The following EMID1 variants were observed in gnomAD, a reference collection of about 807,000 sequenced individuals.
The protein encoded by EMID1 is EMI domain-containing protein 1.
EMID1 carries 40 observed loss-of-function variants against 60.6 expected under a neutral mutation model. The observed-to-expected ratio is 0.66, with a 90% CI of 0.51 to 0.86. The LOEUF is 0.86. EMID1 is among the 40% of genes least tolerant of loss of function. The pLI is 0.00. For synonymous variants in EMID1, 242 were observed against 231.0 expected, an observed-to-expected ratio of 1.05 and a Z score of -0.43; for missense variants, 585 against 597.1, an observed-to-expected ratio of 0.98 and a Z score of 0.21.
intron 1 of EMID1, among the ~76,000 whole-genome samples, chr22:29,214,462 G>T (rs904540708): frequency 6.6e-6 from 1 of 152,168 alleles, no homozygotes; most frequent in South Asian, 2.1e-4. Context: ...GAGGGTTGGG[G>T]AGTTGGGTAG....
At chr22:29,216,102 G>GC (rs11423085) in intron 3 of EMID1, among the ~76,000 whole-genome samples, 6,530 of 152,100 alleles carry the variant, frequency 0.043, 175 homozygotes, top group Non-Finnish European at 0.069. Flanking sequence ...TGCACTCCCC[G>GC]CCCCCCCACC....
intron 6 of EMID1, 113 bp from the exon 7 acceptor site, chr22:29,231,480 T>G: frequency 8.9e-7 from 1 of 1,122,520 alleles, no homozygotes; most frequent in Non-Finnish European, 1.3e-6. Flanking sequence ...CCATAGAGAG[T>G]GTGAGGGTCC....
At chr22:29,228,473 A>G (rs2146268847) in intron 5 of EMID1, among the ~76,000 whole-genome samples, 1 of 152,364 alleles carries the variant, frequency 6.6e-6, no homozygotes, top group African/African-American at 2.4e-5. Flanking sequence ...GCAACTGTCG[A>G]CACTTAAGCA....
At chr22:29,209,607 C>G (rs2039806781) in intron 1 of EMID1, among the ~76,000 whole-genome samples, 1 of 152,212 alleles carries the variant, frequency 6.6e-6, no homozygotes, top group South Asian at 2.1e-4. Context: ...CCTACACAAA[C>G]TTGGTCCCAG....
At chr22:29,231,217 C>T (rs868605302) in intron 6 of EMID1, 77 bp downstream of exon 6, 34 of 1,511,748 alleles carry the variant, frequency 2.2e-5, no homozygotes, top group Middle Eastern at 3.8e-4. Flanking sequence ...CTGGTCCCCA[C>T]CCTGTCGCTG....
chr22:29,233,010 G>C, intron 8 of EMID1: 1 of 274,420 alleles, frequency 3.6e-6, no homozygotes, highest in Admixed American at 4.7e-5. Context: ...GACAATGACA[G>C]TGCCAGCCTC....
chr22:29,214,711 A>G (rs2040017859), intron 1 of EMID1, among the ~76,000 whole-genome samples: 1 of 152,072 alleles, frequency 6.6e-6, no homozygotes, highest in South Asian at 2.1e-4. Flanking sequence ...AACTCTCTGC[A>G]CAGCCCCACC....
Position 29,215,468 on chromosome 22 carries a change from G to A in EMID1, c.216-59G>A. On this transcript the variant is annotated intron_variant, in intron 2 of 14. Coordinates refer to ENST00000334018, the MANE Select transcript of EMID1 (RefSeq NM_133455.4). ...AGGTTTGTCCCCATGGGTGTCCAGG[G>A]CAGTGGGAGAGGTCATGGAGGACCC... 8 of 1,523,722 alleles carry A rather than the reference G, an allele frequency of 5.3e-6. No homozygotes were observed. The South Asian group carries it at 7.9e-5, about 15-fold the overall frequency. 94.4% of individuals were successfully genotyped at this position (1,523,722 alleles called of 1,614,324 possible). A position where few individuals can be genotyped will look rare whatever the true frequency, so the allele number is the denominator to read the frequency against.
In EMID1 at chr22:29,226,471, G is replaced by C. The variant is rs1601949485; in HGVS notation, c.404-19G>C. The C allele has an allele frequency of 6.2e-7, 1 of 1,610,780 alleles. No homozygotes were observed. Among genetic ancestry groups the C allele is most frequent in the Non-Finnish European group, 8.5e-7 (1 of 1,178,486 alleles). ...CCTAGGACCCTTGGCCCTGGCCCCA[G>C]CTTCCTCCCTCCCCGCAGGTTGTCT... On this transcript the variant is annotated intron_variant, in intron 4 of 14. Transcript: ENST00000334018.
chr22:29,252,150 A>T (rs1475896268), intron 13 of EMID1, among the ~76,000 whole-genome samples: 1 of 152,110 alleles, frequency 6.6e-6, no homozygotes, highest in Non-Finnish European at 1.5e-5. Context: ...AATACTCGAA[A>T]GGGGATTACT....
At chr22:29,233,989 A>T in intron 10 of EMID1, 148 bp from the exon 11 acceptor site, 1 of 844,348 alleles carries the variant, frequency 1.2e-6, no homozygotes, top group Non-Finnish European at 1.8e-6. Flanking sequence ...ACTGAGCTGT[A>T]TGAACTGACT....
chr22:29,242,974 T>A (rs905814790), intron 12 of EMID1, among the ~76,000 whole-genome samples: 1 of 152,250 alleles, frequency 6.6e-6, no homozygotes, highest in African/African-American at 2.4e-5. Context: ...TATTGCCCTG[T>A]GATTGGTCAA....
chr22:29,229,754 C>G (rs1259349814), intron 5 of EMID1, among the ~76,000 whole-genome samples: 1 of 152,186 alleles, frequency 6.6e-6, no homozygotes, highest in African/African-American at 2.4e-5. Context: ...AGGAGCAGTT[C>G]CCTGAGCTCC....
chr22:29,213,732 C>A (rs1305803421), intron 1 of EMID1, among the ~76,000 whole-genome samples: 4 of 152,160 alleles, frequency 2.6e-5, no homozygotes, highest in Non-Finnish European at 5.9e-5. Flanking sequence ...CCCTTCTCAG[C>A]CTGGGTCCCC....
chr22:29,242,946 C>A (rs1168489491), intron 12 of EMID1, among the ~76,000 whole-genome samples: 1 of 152,210 alleles, frequency 6.6e-6, no homozygotes, highest in Non-Finnish European at 1.5e-5. Context: ...TGGTTCTCCC[C>A]CTCTGGGCTC....
intron 13 of EMID1, among the ~76,000 whole-genome samples, chr22:29,248,259 CTTTT>C (rs33924066): frequency 0.041 from 4,794 of 116,056 alleles, 282 homozygotes; most frequent in African/African-American, 0.14. Context: ...GTGCCTGGCC[CTTTT>C]TTTTTTTTTT....
chr22:29,212,173 A>G (rs896922278), intron 1 of EMID1, among the ~76,000 whole-genome samples: 2 of 152,068 alleles, frequency 1.3e-5, no homozygotes, highest in Non-Finnish European at 2.9e-5. Context: ...TTTAGTAGAG[A>G]CGAGGTTTTG....
rs758724247 is a variant in EMID1 at position 29,258,854 on chromosome 22, AG to A, written c.1244del (p.Gly415AlafsTer36). 83 of 1,612,830 alleles carry A rather than the reference AG, an allele frequency of 5.1e-5. No individual in the cohort carries two copies. The highest frequency in any genetic ancestry group is 7.0e-5 in the Non-Finnish European group (82 of 1,179,728). On this transcript the variant is annotated frameshift_variant, in exon 15 of 15. Transcript: ENST00000334018. LOFTEE classifies it high-confidence loss of function. ...GGTCTGGGGCGGGCCCTGCCGGCAC[AG>A]GCACCCCCAGCCTCCTTCGGGGCAA... is the stretch of plus-strand genomic sequence containing the variant. ...LGSGAGPAGT[G>X]TPSLLRGKRG...
At position 29,250,252 on chromosome 22, in the gene EMID1, T is replaced by G. The variant is rs541750286; in HGVS notation, c.1120-3951T>G. Among the ~76,000 whole-genome samples, 23 of 152,328 alleles carry G rather than the reference T, an allele frequency of 1.5e-4. No individual in the cohort carries two copies. In the South Asian group the frequency reaches 4.3e-3, roughly 29 times the overall value. ...GCCTGGGCAACAGAGCAAGACCTTG[T>G]CTCAATCAATCAATCAATAAAGTCC... On this transcript the variant is annotated intron_variant, in intron 13 of 14. Transcript: ENST00000334018.
Sources: gnomAD v4.1 joint callset for allele counts (sites outside exome capture counted in the v4.1 genomes callset) on GRCh38, gnomAD v4.1.1 for gene constraint, MANE v1.5 for transcripts, NCBI Gene and HGNC (gene_info 2026-07-23, HGNC 2026-07-21) for gene names.